The following VWA8 variants were observed in gnomAD, a reference collection of about 807,000 sequenced individuals.
VWA8 encodes von Willebrand factor A domain-containing protein 8.
VWA8 carries 221 observed loss-of-function variants against 241.5 expected under a neutral mutation model. The observed-to-expected ratio is 0.91, with a 90% confidence interval of 0.82 to 1.02. The LOEUF (loss-of-function observed/expected upper bound fraction) is 1.02, where lower values mean the gene tolerates loss of function less well. Among genes scored for constraint, VWA8 ranks in the 50% least tolerant of loss-of-function variants. The probability of loss-of-function intolerance (pLI) is 0.00; values close to 1 mark genes in which losing one functional copy is unlikely to be tolerated. For synonymous variants in VWA8, 852 were observed against 827.1 expected (o/e 1.03, Z -0.52); for missense variants, 2,322 against 2,328.7 (o/e 1.00, Z 0.06).
intron 2 of VWA8, among the ~76,000 whole-genome samples, chr13:41,939,658 G>A (rs1446642664): frequency 6.6e-6 from 1 of 152,176 alleles, no homozygotes; most frequent in Non-Finnish European, 1.5e-5. Context: ...ATTATTTCAG[G>A]TGGTCAATGA....
At chr13:41,636,868 C>T (rs1296540436) in intron 37 of VWA8, among the ~76,000 whole-genome samples, 1 of 152,084 alleles carries the variant, frequency 6.6e-6, no homozygotes, top group South Asian at 2.1e-4. Context: ...CAATGAGATA[C>T]CATCTCACAC....
chr13:41,749,956 T>C (rs1008458334), intron 21 of VWA8, among the ~76,000 whole-genome samples: 2 of 152,016 alleles, frequency 1.3e-5, no homozygotes, highest in Non-Finnish European at 2.9e-5. Context: ...CACACCAACA[T>C]GGCACATGTA....
intron 2 of VWA8, among the ~76,000 whole-genome samples, chr13:41,920,595 G>T (rs1014060001): frequency 6.6e-6 from 1 of 152,098 alleles, no homozygotes; most frequent in African/African-American, 2.4e-5. Flanking sequence ...AATAAAAAAT[G>T]ATAAAGGGGA....
intron 2 of VWA8, 21 bp downstream of exon 2, chr13:41,949,915 A>T: frequency 7.1e-7 from 1 of 1,417,434 alleles, no homozygotes; most frequent in Non-Finnish European, 9.6e-7. Context: ...ATTCATTCAT[A>T]TATTAATAAA....
chr13:41,638,817 G>T (rs371207299), intron 37 of VWA8, among the ~76,000 whole-genome samples: 5 of 152,254 alleles, frequency 3.3e-5, no homozygotes, highest in African/African-American at 1.2e-4. Context: ...GTGGGGTTCA[G>T]AAAAATATTA....
chr13:41,844,923 T>G (rs1872220311), intron 12 of VWA8, among the ~76,000 whole-genome samples: 1 of 152,114 alleles, frequency 6.6e-6, no homozygotes, highest in African/African-American at 2.4e-5. Flanking sequence ...GGAAAAACAT[T>G]GCATGCTCAT....
chr13:41,686,505 C>T (rs556996088), intron 34 of VWA8, among the ~76,000 whole-genome samples: 71 of 150,892 alleles, frequency 4.7e-4, no homozygotes, highest in Non-Finnish European at 9.6e-4. Context: ...GTCTTTTGCT[C>T]ATTTTTTTTT....
At chr13:41,875,860 A>G (rs1873873411) in intron 9 of VWA8, among the ~76,000 whole-genome samples, 1 of 152,068 alleles carries the variant, frequency 6.6e-6, no homozygotes, top group Admixed American at 6.5e-5. Flanking sequence ...TGACTTGTAT[A>G]TGCAACTGCC....
chr13:41,669,406 G>A (rs1203580353), intron 37 of VWA8, among the ~76,000 whole-genome samples: 1 of 152,102 alleles, frequency 6.6e-6, no homozygotes. Flanking sequence ...GTACATTTTA[G>A]TATATAGGAG....
At chr13:41,698,796 A>G (rs3945431) in intron 29 of VWA8, among the ~76,000 whole-genome samples, 51,004 of 152,036 alleles carry the variant, frequency 0.34, 9,649 homozygotes, top group Non-Finnish European at 0.43. Flanking sequence ...TGTAAGCTTC[A>G]TAACAAAGAA....
At position 41,755,140 on chromosome 13, in the gene VWA8, C is replaced by T. The variant is rs536512287; in HGVS notation, c.2426+5988G>A. On this transcript the variant is annotated intron_variant, in intron 21 of 44. Transcript: ENST00000379310. ...GGGTATATACCCAGCAGTGGGATTG[C>T]TGGATCCTATGGTAGCTCAATTTTC... 3.3e-5 allele frequency among the ~76,000 whole-genome samples: 5 copies of T among 152,112 alleles called. No individual in the cohort carries two copies. The East Asian group carries it at 9.7e-4, about 29-fold the overall frequency.
rs191894884 is a variant in VWA8, at chr13:41,679,174, A to G, written c.4328-3878T>C. 3.0e-3 allele frequency among the ~76,000 whole-genome samples: 453 copies of G among 152,268 alleles called. 2 individuals are homozygous for G. The highest frequency in any genetic ancestry group is 0.01 in the African/African-American group (423 of 41,568). ...AGATAGGTATAAGTTGTATTTAGGG[A>G]TTAGTTCACTAACCATTAAAGGGAA... On this transcript the variant is annotated intron_variant, in intron 35 of 44. Coordinates refer to ENST00000379310, the MANE Select transcript of VWA8 (RefSeq NM_015058.2).
intron 33 of VWA8, 21 bp from the exon 34 acceptor site, chr13:41,689,529 A>G (rs2045161397): frequency 4.4e-6 from 7 of 1,584,306 alleles, no homozygotes; most frequent in Non-Finnish European, 5.1e-6. Flanking sequence ...CAAACATTAG[A>G]CACCATATGC....
At chr13:41,779,685 G>C (rs1002582729) in intron 19 of VWA8, among the ~76,000 whole-genome samples, 1 of 152,198 alleles carries the variant, frequency 6.6e-6, no homozygotes, top group African/African-American at 2.4e-5. Context: ...TGAAAAGTCA[G>C]TGCCAATTCC....
At position 41,697,424 on chromosome 13, in the gene VWA8, C is replaced by T. The variant is rs144248036; in HGVS notation, c.3564+1647G>A. Among the ~76,000 whole-genome samples the T allele has an allele frequency of 2.9e-3, 439 of 152,248 alleles. 4 individuals carry two copies. Among genetic ancestry groups the T allele is most frequent in the African/African-American group, 0.01 (421 of 41,548 alleles). On this transcript the variant is annotated intron_variant, in intron 29 of 44. Coordinates refer to ENST00000379310, the MANE Select transcript of VWA8 (RefSeq NM_015058.2). ...CATAGTCAGGACCCAGAAACTTCAA[C>T]GGCCTACAAGACTCTACACCAGTGG...
At chr13:41,739,775 G>C (rs180713969) in intron 21 of VWA8, among the ~76,000 whole-genome samples, 226 of 149,024 alleles carry the variant, frequency 1.5e-3, no homozygotes, top group African/African-American at 5.3e-3. Flanking sequence ...AGCAACAGGA[G>C]TTAAACAATT....
In VWA8 at chr13:41,570,570, C is replaced by G. The variant is rs752666461; in HGVS notation, c.5507G>C (p.Arg1836Pro). 2 of 1,614,072 alleles carry G rather than the reference C, an allele frequency of 1.2e-6. No homozygotes were observed. The highest frequency in any genetic ancestry group is 1.3e-5 in the African/African-American group (1 of 74,922). ...AAACTTAGCAGGATGTATTCCATAT[C>G]GTGACAGATTTGCATCACTCAAGAC... is the stretch of plus-strand genomic sequence containing the variant. ...VIVLSDANLS[R>P]YGIHPAKFAQ... Residue 1836 changes from arginine to proline, a missense_variant, in exon 44 of 45, where the codon CGA becomes CCA. Transcript: ENST00000379310.
At chr13:41,831,610 TGA>T (rs1414748952) in intron 13 of VWA8, among the ~76,000 whole-genome samples, 1 of 125,764 alleles carries the variant, frequency 8.0e-6, no homozygotes, top group African/African-American at 2.7e-5. Flanking sequence ...AGCCCAGGCA[TGA>T]GTTTTTTTTT....
chr13:41,567,721 G>A lies in VWA8; in HGVS notation c.*476C>T, dbSNP rs909663623. The A allele has an allele frequency of 6.5e-6, 1 of 153,020 alleles. No homozygotes were observed. Among genetic ancestry groups the A allele is most frequent in the African/African-American group, 2.4e-5 (1 of 41,426 alleles). 9.5% of individuals were successfully genotyped at this position (153,020 alleles called of 1,614,324 possible). A position where few individuals can be genotyped will look rare whatever the true frequency, so the allele number is the denominator to read the frequency against. ...TTTTCTGGTCAATACAGAGCAGGGA[G>A]AAAATAAAAATAATTGTTGGATAGG... is the stretch of plus-strand genomic sequence containing the variant. On this transcript the variant is annotated 3_prime_UTR_variant, in exon 45 of 45. Transcript: ENST00000379310.
Sources: allele counts gnomAD v4.1 joint callset (sites outside exome capture counted in the v4.1 genomes callset), GRCh38; gene constraint gnomAD v4.1.1; transcripts MANE v1.5; gene names NCBI Gene and HGNC (gene_info 2026-07-23, HGNC 2026-07-21).